Variants in BCORL1 observed in about 807,000 individuals in gnomAD.
BCORL1 encodes BCL-6 corepressor-like protein 1.
A neutral mutation model predicts 87.6 loss-of-function variants in BCORL1; 7 were observed. That is an observed-to-expected ratio of 0.08 (90% CI 0.05 to 0.15). The LOEUF is 0.15. Among genes scored for constraint, BCORL1 ranks in the 10% least tolerant of loss-of-function variants. The pLI is 1.00. For missense variants in BCORL1, 1,215 were observed against 1,499.7 expected, an observed-to-expected ratio of 0.81 and a Z score of 3.13; for synonymous variants, 591 against 634.4, an observed-to-expected ratio of 0.93 and a Z score of 1.03.
rs973864978 is a variant in BCORL1 at position 130,012,972 on chromosome X, G to C, written c.200G>C (p.Ser67Thr). ...FSKVELTAVG[S>T]GSNARGADPD... ...CAGGTGGAGCTCACGGCAGTTGGAA[G>C]TGGCAGCAATGCCCGGGGGGCAGAC... The change falls in exon 4 of 14, where the codon AGT becomes ACT. Residue 67 changes from serine (S) to threonine (T), a missense_variant. Around this residue, in one of 5 missense-constraint regions of BCORL1, gnomAD observed 861 missense variants for 1,010.0 expected, o/e 0.85. Coordinates refer to ENST00000540052, the MANE Select transcript of BCORL1 (RefSeq NM_001379451.1). 7.5e-6 allele frequency: 9 copies of C among 1,196,931 alleles called. No individual in the cohort carries two copies. The highest frequency in any genetic ancestry group is 3.4e-6 in the Non-Finnish European group (3 of 885,532).
chrX:130,012,892 A>G, intron 3 of BCORL1, 58 bp from the exon 4 acceptor site: 2 of 1,157,310 alleles, frequency 1.7e-6, no homozygotes, highest in East Asian at 3.0e-5. Context: ...GGGCCTCAGG[A>G]CACTTGCACC....
In BCORL1 at chrX:130,013,386, C is replaced by G; in HGVS notation, c.614C>G (p.Pro205Arg). Residue 205 changes from proline (P) to arginine (R), a missense_variant, in exon 4 of 14, where the codon CCC becomes CGC. Around this residue, in one of 5 missense-constraint regions of BCORL1, gnomAD observed 861 missense variants for 1,010.0 expected, o/e 0.85. Coordinates refer to ENST00000540052, the MANE Select transcript of BCORL1 (RefSeq NM_001379451.1). The part of the protein sequence containing the change: ...NFSPLPAPIC[P>R]PAPGSASVPH... ...AGTCCTCTGCCAGCCCCTATCTGTC[C>G]CCCTGCTCCCGGTTCGGCCTCTGTG... 1.7e-6 allele frequency: 2 copies of G among 1,210,977 alleles called. No individual in the cohort carries two copies. The highest frequency in any genetic ancestry group is 2.2e-6 in the Non-Finnish European group (2 of 895,109).
intron 11 of BCORL1, 80 bp from the exon 12 acceptor site, chrX:130,050,637 C>A (rs1351872870): frequency 1.2e-6 from 1 of 833,937 alleles, no homozygotes; most frequent in Non-Finnish European, 1.8e-6. Flanking sequence ...ATTCCCTTAG[C>A]CCCGTATGCA....
At position 130,056,242 on chromosome X, in the gene BCORL1, C is replaced by G. The variant is rs73225593; in HGVS notation, c.*106C>G. The stretch of plus-strand genomic sequence containing the variant: ...CAGACTGCAGAATGAGGCAATAATA[C>G]GGACCAACAAGAAGCCGCCTTATCA... On this transcript the variant is annotated 3_prime_UTR_variant, in exon 14 of 14. Transcript: ENST00000540052. The G allele has an allele frequency of 3.4e-6, 3 of 884,406 alleles. No homozygotes were observed. Among genetic ancestry groups the G allele is most frequent in the Non-Finnish European group, 4.6e-6 (3 of 657,739 alleles). 72.9% of individuals were successfully genotyped at this position (884,406 alleles called of 1,213,427 possible).
chrX:130,011,034 AAGAG>A (rs1928906440), intron 2 of BCORL1, among the ~76,000 whole-genome samples: 2 of 100,982 alleles, frequency 2.0e-5, no homozygotes, highest in Non-Finnish European at 4.0e-5. Context: ...AAAAAAAAAA[AAGAG>A]GGAAAAAAGG....
chrX:130,014,208 C>G lies in BCORL1; in HGVS notation c.1436C>G (p.Pro479Arg). The change falls in exon 4 of 14, where the codon CCT (proline) becomes CGT (arginine). Residue 479 changes from proline to arginine, a missense_variant. Transcript: ENST00000540052. ...GGGGTTTCCTCCACTCTTACGCTCC[C>G]TGTCCTGCCGTCCTACCTGCAGGAC... is the stretch of plus-strand genomic sequence containing the variant. ...TLGVSSTLTLPVLPSYLQDRC... is the reference protein window; with the variant it reads ...TLGVSSTLTLRVLPSYLQDRC... 1 of 1,211,366 alleles carries G rather than the reference C, an allele frequency of 8.3e-7. No individual in the cohort carries two copies. The highest frequency in any genetic ancestry group is 1.1e-6 in the Non-Finnish European group (1 of 895,355).
chrX:130,042,689 G>A (rs1446196892), intron 11 of BCORL1, among the ~76,000 whole-genome samples: 1 of 111,596 alleles, frequency 9.0e-6, no homozygotes, highest in African/African-American at 3.3e-5. Context: ...TGAACAATTC[G>A]GGCCAGGCGT....
chrX:129,999,343 CTG>C (rs1256234700), intron 1 of BCORL1, among the ~76,000 whole-genome samples: 1 of 79,039 alleles, frequency 1.3e-5, no homozygotes, highest in African/African-American at 5.2e-5. Context: ...GGGTCTCCCT[CTG>C]TTGCCCAGGC....
At chrX:129,988,595 A>T in intron 1 of BCORL1, among the ~76,000 whole-genome samples, 1 of 111,976 alleles carries the variant, frequency 8.9e-6, no homozygotes, top group East Asian at 2.8e-4. Context: ...AGATTTACTC[A>T]TCACAGTATG....
intron 4 of BCORL1, among the ~76,000 whole-genome samples, chrX:130,017,461 A>G (rs1929521811): frequency 9.0e-6 from 1 of 111,012 alleles, no homozygotes; most frequent in Non-Finnish European, 1.9e-5. Flanking sequence ...TCGTTACAGT[A>G]ACCATATGAG....
chrX:130,020,014 G>T (rs192386086), intron 4 of BCORL1, among the ~76,000 whole-genome samples: 16 of 112,400 alleles, frequency 1.4e-4, no homozygotes, highest in Non-Finnish European at 1.7e-4. Flanking sequence ...CAGTGGGCGT[G>T]GGAGAAGCTG....
At chrX:129,997,428 G>T (rs1351597635) in intron 1 of BCORL1, among the ~76,000 whole-genome samples, 1 of 110,878 alleles carries the variant, frequency 9.0e-6, no homozygotes, top group African/African-American at 3.3e-5. Context: ...TTGTTTTAAA[G>T]ATCTCTGCTT....
intron 1 of BCORL1, among the ~76,000 whole-genome samples, chrX:129,993,262 G>C (rs1040940232): frequency 8.9e-6 from 1 of 112,446 alleles, no homozygotes; most frequent in Non-Finnish European, 1.9e-5. Flanking sequence ...ATAAAGCTAT[G>C]ATGAGGTGTT....
chrX:130,031,625 A>T (rs1930610532), intron 8 of BCORL1, among the ~76,000 whole-genome samples: 1 of 111,891 alleles, frequency 8.9e-6, no homozygotes, highest in African/African-American at 3.3e-5. Flanking sequence ...CTGTACTAAA[A>T]GTACAAAAAT....
At chrX:130,016,992 G>C (rs1484130650) in intron 4 of BCORL1, among the ~76,000 whole-genome samples, 1 of 111,965 alleles carries the variant, frequency 8.9e-6, no homozygotes, top group Non-Finnish European at 1.9e-5. Flanking sequence ...AGAACAACTT[G>C]AAGTTCTGTT....
intron 4 of BCORL1, among the ~76,000 whole-genome samples, chrX:130,019,177 G>A (rs768466888): frequency 1.5e-4 from 17 of 112,417 alleles, no homozygotes; most frequent in East Asian, 2.8e-4. Flanking sequence ...TGGAGTGTGC[G>A]AAATATTTTT....
At chrX:130,028,563 C>A in intron 7 of BCORL1, 72 bp from the exon 8 acceptor site, 1 of 935,474 alleles carries the variant, frequency 1.1e-6, no homozygotes, top group Non-Finnish European at 1.5e-6. Context: ...TCTGATTCAT[C>A]TTAGAGGAAG....
chrX:130,003,695 G>A lies in BCORL1; in HGVS notation c.-44-1493G>A, dbSNP rs746362851. ...CTGTTGTACTATCTTCTAACATGCC[G>A]TGACATAGAACTATTTAACATGCTA... On this transcript the variant is annotated intron_variant, in intron 1 of 13. Coordinates refer to ENST00000540052, the MANE Select transcript of BCORL1 (RefSeq NM_001379451.1). 9.9e-5 allele frequency among the ~76,000 whole-genome samples: 11 copies of A among 111,606 alleles called. 1 individual carries two copies. The highest frequency in any genetic ancestry group is 7.4e-4 in the South Asian group (2 of 2,720).
At chrX:129,993,532 T>A (rs1927337954) in intron 1 of BCORL1, among the ~76,000 whole-genome samples, 1 of 109,889 alleles carries the variant, frequency 9.1e-6, no homozygotes, top group Non-Finnish European at 1.9e-5. Flanking sequence ...CTGAAAAAAA[T>A]TTTAAATTAG....
Sources: allele counts gnomAD v4.1 joint callset (sites outside exome capture counted in the v4.1 genomes callset), GRCh38; gene constraint gnomAD v4.1.1; regional missense constraint gnomAD v4.1.1; transcripts MANE v1.5; gene names NCBI Gene and HGNC (gene_info 2026-07-23, HGNC 2026-07-21).